COL23A1: variants seen among roughly 807,000 people sequenced by gnomAD.
The protein encoded by COL23A1 is collagen type XXIII alpha 1 chain.
A neutral mutation model predicts 99.3 loss-of-function variants in COL23A1; 97 were observed. The observed-to-expected ratio is 0.98, with a 90% confidence interval of 0.83 to 1.16. COL23A1 has a LOEUF of 1.16. Among genes scored for constraint, COL23A1 ranks in the 50% most tolerant of loss-of-function variants. COL23A1 has a pLI of 0.00. For synonymous variants in COL23A1, 320 were observed against 308.2 expected, an observed-to-expected ratio of 1.04 and a Z score of -0.40; for missense variants, 762 against 757.4, an observed-to-expected ratio of 1.01 and a Z score of -0.07.
At chr5:178,328,953 T>C (rs935140509) in intron 2 of COL23A1, among the ~76,000 whole-genome samples, 7 of 152,162 alleles carry the variant, frequency 4.6e-5, no homozygotes, top group African/African-American at 1.7e-4. Flanking sequence ...TACCTGCCGA[T>C]ACAGAAATGG....
At chr5:178,493,777 C>A (rs1254662367) in intron 2 of COL23A1, among the ~76,000 whole-genome samples, 1 of 152,238 alleles carries the variant, frequency 6.6e-6, no homozygotes, top group Non-Finnish European at 1.5e-5. Context: ...GCAAAGCTGC[C>A]GAACCCCTCG....
At position 178,296,657 on chromosome 5, in the gene COL23A1, G is replaced by A. The variant is rs540894689; in HGVS notation, c.407-6288C>T. Among the ~76,000 whole-genome samples the A allele has an allele frequency of 1.9e-3, 293 of 152,228 alleles. 1 individual carries two copies. Among genetic ancestry groups the A allele is most frequent in the African/African-American group, 6.4e-3 (266 of 41,536 alleles). On this transcript the variant is annotated intron_variant, in intron 3 of 28. Transcript: ENST00000390654. ...GTGGTGTGTCTGAATCACCCGGCTGGTGAGGCGGTAGTCCAGCCAGAGGCA... is the reference window on the plus strand; with the variant it reads ...GTGGTGTGTCTGAATCACCCGGCTGATGAGGCGGTAGTCCAGCCAGAGGCA...
intron 1 of COL23A1, among the ~76,000 whole-genome samples, chr5:178,573,463 T>C (rs1422535256): frequency 6.6e-6 from 1 of 152,222 alleles, no homozygotes; most frequent in Non-Finnish European, 1.5e-5. Flanking sequence ...GTGACTCCCA[T>C]TGGCACACTG....
chr5:178,250,189 C>T, intron 17 of COL23A1, 84 bp from the exon 18 acceptor site: 6 of 1,529,656 alleles, frequency 3.9e-6, no homozygotes, highest in African/African-American at 2.7e-5. Context: ...ACACACTGTG[C>T]ACCCGGCCCA....
At chr5:178,405,461 T>C (rs1764713071) in intron 2 of COL23A1, among the ~76,000 whole-genome samples, 1 of 152,244 alleles carries the variant, frequency 6.6e-6, no homozygotes, top group South Asian at 2.1e-4. Flanking sequence ...AACACTTTCA[T>C]TATTAATGCC....
In COL23A1 at chr5:178,288,510, G is replaced by A. The variant is rs772348898; in HGVS notation, c.415-160C>T. 1.1e-5 allele frequency: 8 copies of A among 721,634 alleles called. No individual in the cohort carries two copies. The Admixed American group carries it at 1.2e-4, about 11-fold the overall frequency. The allele number at this position is 721,634 out of a possible 1,614,324, so 44.7% of individuals were successfully genotyped here. A position where few individuals can be genotyped will look rare whatever the true frequency, so the allele number is the denominator to read the frequency against. On this transcript the variant is annotated intron_variant, in intron 4 of 28. Transcript: ENST00000390654. ...CTCAAGGGCTCCAGGGGTCTTGGGG[G>A]CAGAGCAGCCCTTTCCTGCCTCAGA...
At chr5:178,475,577 T>TG (rs1191820694) in intron 2 of COL23A1, among the ~76,000 whole-genome samples, 2 of 152,364 alleles carry the variant, frequency 1.3e-5, no homozygotes, top group African/African-American at 2.4e-5. Context: ...TACCCAATAG[T>TG]GGCCTTGCCT....
chr5:178,453,898 G>C (rs1767626371), intron 2 of COL23A1, among the ~76,000 whole-genome samples: 1 of 151,992 alleles, frequency 6.6e-6, no homozygotes, highest in South Asian at 2.1e-4. Flanking sequence ...TAACATAAAA[G>C]AAAAAAATAG....
chr5:178,530,775 C>T (rs149509039), intron 2 of COL23A1, among the ~76,000 whole-genome samples: 3,513 of 152,346 alleles, frequency 0.023, 48 homozygotes, highest in Admixed American at 0.034. Flanking sequence ...CCAGCCCCAA[C>T]CTCGTTCTAG....
intron 2 of COL23A1, among the ~76,000 whole-genome samples, chr5:178,358,615 A>ATGTATGTG (rs1382070831): frequency 1.9e-5 from 2 of 107,568 alleles, no homozygotes; most frequent in Admixed American, 2.0e-4. Flanking sequence ...GTATGCGTGT[A>ATGTATGTG]TGTATGTGTG....
chr5:178,558,639 C>G (rs2113544765), intron 2 of COL23A1, among the ~76,000 whole-genome samples: 1 of 152,222 alleles, frequency 6.6e-6, no homozygotes, highest in East Asian at 1.9e-4. Flanking sequence ...GGGCGTGACT[C>G]CCAGTTCAAA....
Position 178,562,733 on chromosome 5 carries a change from T to TGGGGGGGGGGGGGGGGGGG in COL23A1, c.295-1986_295-1985insCCCCCCCCCCCCCCCCCCC, listed in dbSNP as rs879632255. ...CACGCAGGTTGCTGCCGCTGGCTGG[T>TGGGGGGGGGGGGGGGGGGG]GGTGGGGGGGGTGCGGGCTTTTATT... On this transcript the variant is annotated intron_variant, in intron 1 of 28. Coordinates refer to ENST00000390654, the MANE Select transcript of COL23A1 (RefSeq NM_173465.4). The TGGGGGGGGGGGGGGGGGGG allele has an allele frequency of 1.0e-4, 10 of 97,638 alleles. 1 individual carries two copies. The highest frequency in any genetic ancestry group is 5.5e-4 in the African/African-American group (8 of 14,644). 6.0% of individuals were successfully genotyped at this position (97,638 alleles called of 1,614,324 possible).
At chr5:178,418,036 G>A (rs1765406542) in intron 2 of COL23A1, among the ~76,000 whole-genome samples, 1 of 152,250 alleles carries the variant, frequency 6.6e-6, no homozygotes. Context: ...GGCTGCAGAA[G>A]TCAGGCCTGT....
intron 17 of COL23A1, among the ~76,000 whole-genome samples, chr5:178,251,258 T>G (rs1463820277): frequency 6.6e-6 from 1 of 152,056 alleles, no homozygotes. Flanking sequence ...CCTGACCTTG[T>G]GATCCACCCG....
At chr5:178,247,871 T>C in intron 20 of COL23A1, 40 bp from the exon 21 acceptor site, 1 of 1,560,886 alleles carries the variant, frequency 6.4e-7, no homozygotes, top group South Asian at 1.1e-5. Flanking sequence ...CCACCGCCTG[T>C]CACCCTCACC....
rs551123931 is a variant in COL23A1, at chr5:178,242,081, G to C, written c.1542C>G (p.Gly514=). 9 of 1,553,264 alleles carry C rather than the reference G, an allele frequency of 5.8e-6. No homozygotes were observed. In the African/African-American group the frequency reaches 1.2e-4, roughly 21 times the overall value. The change falls in exon 27 of 29, where the codon GGC becomes GGG. Residue 514 remains glycine, a synonymous_variant. Coordinates refer to ENST00000390654, the MANE Select transcript of COL23A1 (RefSeq NM_173465.4). ...GGTCCAGGCCTGGTGGTCCCGGCTC[G>C]CCCTTCTGGCCCTTCACTCCTTTCC... ...PGRKGVKGQK[G]EPGPPGLDQP...
intron 2 of COL23A1, among the ~76,000 whole-genome samples, chr5:178,457,303 T>A (rs1767852614): frequency 6.6e-6 from 1 of 152,138 alleles, no homozygotes; most frequent in African/African-American, 2.4e-5. Context: ...AGCCCCTGCC[T>A]CCCAGGTTCA....
At chr5:178,557,075 G>A (rs1162455635) in intron 2 of COL23A1, among the ~76,000 whole-genome samples, 4 of 152,038 alleles carry the variant, frequency 2.6e-5, no homozygotes, top group East Asian at 1.9e-4. Context: ...AGGTGTCTGC[G>A]GGGCGGGCTC....
chr5:178,350,228 T>C (rs1175323026), intron 2 of COL23A1, among the ~76,000 whole-genome samples: 1 of 152,210 alleles, frequency 6.6e-6, no homozygotes, highest in Non-Finnish European at 1.5e-5. Context: ...TGCCCCTCTC[T>C]GTTCCTTCTT....
Sources: allele counts gnomAD v4.1 joint callset (sites outside exome capture counted in the v4.1 genomes callset), GRCh38; gene constraint gnomAD v4.1.1; transcripts MANE v1.5; gene names NCBI Gene and HGNC (gene_info 2026-07-23, HGNC 2026-07-21).